The following RNF180 variants were observed in gnomAD, a reference collection of about 807,000 sequenced individuals.
RNF180 encodes the protein ring finger protein 180.
A neutral mutation model predicts 59.2 loss-of-function variants in RNF180; 38 were observed. The observed-to-expected ratio is 0.64, with a 90% CI of 0.50 to 0.84. RNF180 has a LOEUF of 0.84. RNF180 is among the 40% of genes least tolerant of loss of function. The pLI, the probability that RNF180 is intolerant of heterozygous loss-of-function variation, is 0.00. For missense variants in RNF180, 705 were observed against 700.9 expected (o/e 1.01, Z -0.07); for synonymous variants, 262 against 240.3 (o/e 1.09, Z -0.84).
intron 5 of RNF180, among the ~76,000 whole-genome samples, chr5:64,232,792 A>G (rs757036751): frequency 2.8e-4 from 43 of 152,236 alleles, no homozygotes; most frequent in Non-Finnish European, 2.8e-4. Context: ...TACTGCTCCA[A>G]TCCCTTTGGA....
chr5:64,213,691 A>G lies in RNF180; in HGVS notation c.365A>G (p.Tyr122Cys). 6.2e-7 allele frequency: 1 copy of G among 1,614,186 alleles called. No individual in the cohort carries two copies. The highest frequency in any genetic ancestry group is 1.1e-5 in the South Asian group (1 of 91,082). The change falls in exon 4 of 8, where the codon TAT becomes TGT. Residue 122 changes from tyrosine (Y) to cysteine (C), a missense_variant. By Grantham distance (194) the Tyr-to-Cys change is radical. Coordinates refer to ENST00000389100, the MANE Select transcript of RNF180 (RefSeq NM_001113561.2). ...AVHLSKSRTD[Y>C]QPTQAGRLMR... ...CATCTCTCCAAGAGCCGGACTGATT[A>G]TCAGCCAACACAGGCAGGCAGACTA...
intron 5 of RNF180, among the ~76,000 whole-genome samples, chr5:64,310,839 G>A (rs1044799858): frequency 2.6e-5 from 4 of 151,836 alleles, no homozygotes; most frequent in East Asian, 1.9e-4. Context: ...TGGAAGTGGC[G>A]CATCTCACTT....
intron 7 of RNF180, among the ~76,000 whole-genome samples, chr5:64,343,778 C>G (rs1051402837): frequency 6.6e-6 from 1 of 151,446 alleles, no homozygotes; most frequent in East Asian, 2.0e-4. Flanking sequence ...GCAAAAATAT[C>G]CTTAAAAAAT....
At chr5:64,259,307 G>C (rs552874734) in intron 5 of RNF180, among the ~76,000 whole-genome samples, 1 of 152,252 alleles carries the variant, frequency 6.6e-6, no homozygotes, top group Admixed American at 6.5e-5. Context: ...AAGGGTTTTG[G>C]GGGGAACAGT....
intron 5 of RNF180, among the ~76,000 whole-genome samples, chr5:64,298,003 T>C (rs926153799): frequency 2.0e-5 from 3 of 151,994 alleles, no homozygotes; most frequent in Non-Finnish European, 4.4e-5. Flanking sequence ...ATCACCCAGG[T>C]GTAAAGTCTA....
chr5:64,317,512 CA>C (rs1224221305), intron 5 of RNF180, among the ~76,000 whole-genome samples: 4 of 150,386 alleles, frequency 2.7e-5, no homozygotes, highest in Non-Finnish European at 5.9e-5. Flanking sequence ...TAAAGCCAAG[CA>C]TGATCAAGTG....
intron 5 of RNF180, among the ~76,000 whole-genome samples, chr5:64,317,150 G>A (rs553057738): frequency 2.0e-5 from 3 of 150,930 alleles, no homozygotes; most frequent in South Asian, 4.2e-4. Flanking sequence ...ATGTGTGTGC[G>A]TGTGTGTGTG....
intron 5 of RNF180, among the ~76,000 whole-genome samples, chr5:64,322,873 G>C (rs896659137): frequency 1.1e-4 from 16 of 151,984 alleles, no homozygotes; most frequent in African/African-American, 3.9e-4. Context: ...ATAAAACTGG[G>C]TTCAGTGTAT....
intron 5 of RNF180, among the ~76,000 whole-genome samples, chr5:64,268,717 G>C (rs1213492192): frequency 1.3e-5 from 2 of 152,232 alleles, no homozygotes; most frequent in South Asian, 4.1e-4. Context: ...AATCTCTGTT[G>C]TTGCTCATCT....
intron 5 of RNF180, among the ~76,000 whole-genome samples, chr5:64,322,602 C>CATGTGTGT (rs3221373): frequency 7.0e-6 from 1 of 143,502 alleles, no homozygotes; most frequent in East Asian, 2.1e-4. Flanking sequence ...TATATATATA[C>CATGTGTGT]GTGTGTGTGT....
intron 5 of RNF180, among the ~76,000 whole-genome samples, chr5:64,307,699 G>A (rs952882821): frequency 6.6e-5 from 10 of 151,666 alleles, no homozygotes; most frequent in Non-Finnish European, 1.2e-4. Context: ...CTCAGAATGC[G>A]TTCATTAGCA....
intron 5 of RNF180, among the ~76,000 whole-genome samples, chr5:64,278,611 G>T (rs1215064907): frequency 1.3e-5 from 2 of 152,106 alleles, no homozygotes; most frequent in Non-Finnish European, 2.9e-5. Flanking sequence ...AATAATGGAA[G>T]AATCTAAAAT....
intron 5 of RNF180, among the ~76,000 whole-genome samples, chr5:64,266,920 C>G (rs1432839568): frequency 6.6e-6 from 1 of 152,048 alleles, no homozygotes; most frequent in Non-Finnish European, 1.5e-5. Context: ...CTGTACTGTT[C>G]TGAATGTATG....
intron 1 of RNF180, among the ~76,000 whole-genome samples, chr5:64,194,292 A>G (rs1751339081): frequency 6.6e-6 from 1 of 152,104 alleles, no homozygotes; most frequent in African/African-American, 2.4e-5. Context: ...GCTGAGAATG[A>G]TGGTTTCCAG....
Position 64,213,811 on chromosome 5 carries a change from A to G in RNF180, c.485A>G (p.Asn162Ser), listed in dbSNP as rs774286968. 5.0e-6 allele frequency: 8 copies of G among 1,614,068 alleles called. No individual in the cohort carries two copies. The highest frequency in any genetic ancestry group is 6.8e-6 in the Non-Finnish European group (8 of 1,180,030). Residue 162 changes from asparagine (N) to serine (S), a missense_variant, in exon 4 of 8, where the codon AAT becomes AGT. By Grantham distance (46) the Asn-to-Ser change is conservative. Coordinates refer to ENST00000389100, the MANE Select transcript of RNF180 (RefSeq NM_001113561.2). ...LLTGGGSENR[N>S]HRLLNMARNN... is the part of the protein sequence containing the mutation. ...ACAGGTGGTGGCTCTGAAAACAGAA[A>G]TCACAGGCTTTTAAACATGGCCCGA...
chr5:64,189,651 A>G (rs1751039918), intron 1 of RNF180, among the ~76,000 whole-genome samples: 1 of 152,194 alleles, frequency 6.6e-6, no homozygotes, highest in Admixed American at 6.5e-5. Flanking sequence ...AGAAAGATGA[A>G]TTATACAAGG....
chr5:64,212,343 C>CGCACACACACACACAT (rs1315198441), intron 3 of RNF180, among the ~76,000 whole-genome samples, 183 bp downstream of exon 3: 2 of 151,698 alleles, frequency 1.3e-5, no homozygotes, highest in Non-Finnish European at 2.9e-5. Flanking sequence ...CTGTGTTTTA[C>CGCACACACACACACAT]GCACACACAC....
intron 1 of RNF180, among the ~76,000 whole-genome samples, chr5:64,196,273 T>C (rs549419865): frequency 6.6e-6 from 1 of 152,244 alleles, no homozygotes; most frequent in South Asian, 2.1e-4. Context: ...TGCTACAAAT[T>C]TGAATAATAG....
intron 7 of RNF180, among the ~76,000 whole-genome samples, chr5:64,359,344 G>A (rs1250568842): frequency 9.4e-5 from 14 of 149,042 alleles, no homozygotes; most frequent in Non-Finnish European, 1.5e-4. Context: ...GTGTGAGATG[G>A]TATCTCATTG....
Sources: gnomAD v4.1 joint callset for allele counts (sites outside exome capture counted in the v4.1 genomes callset) on GRCh38, gnomAD v4.1.1 for gene constraint, MANE v1.5 for transcripts, NCBI Gene and HGNC (gene_info 2026-07-23, HGNC 2026-07-21) for gene names.